Variants in LRRC9 observed in about 807,000 individuals in gnomAD.
LRRC9 encodes the protein leucine rich repeat containing 9.
Under a neutral mutation model 63.2 loss-of-function variants are expected in LRRC9, and 122 were observed. The ratio of observed to expected loss-of-function variants is 1.93; its 90% CI spans 1.67 to 2.24. The LOEUF (loss-of-function observed/expected upper bound fraction) is 2.24, where lower values mean the gene tolerates loss of function less well. LRRC9 is among the 30% of genes most tolerant of loss of function. The probability of loss-of-function intolerance (pLI) is 0.00; values close to 1 mark genes in which losing one functional copy is unlikely to be tolerated. For synonymous variants in LRRC9, 366 were observed against 213.1 expected, an observed-to-expected ratio of 1.72 and a Z score of -6.25; for missense variants, 1,071 against 627.7, an observed-to-expected ratio of 1.71 and a Z score of -7.55.
At chr14:60,009,120 T>C (rs219372) in intron 23 of LRRC9, among the ~76,000 whole-genome samples, 115,459 of 152,160 alleles carry the variant, frequency 0.76, 45,610 homozygotes, top group Non-Finnish European at 0.87. Context: ...TCTCTGTGCC[T>C]TCATTTGAAG....
intron 9 of LRRC9, 51 bp from the exon 10 acceptor site, chr14:59,960,863 T>C (rs1449953079): frequency 3.8e-6 from 2 of 524,738 alleles, no homozygotes; most frequent in Admixed American, 7.1e-5. Context: ...AGTTTTAATG[T>C]TGCGATTTTT....
At chr14:59,931,182 G>T (rs868120114) in intron 4 of LRRC9, 124 bp downstream of exon 4, 10 of 293,436 alleles carry the variant, frequency 3.4e-5, no homozygotes, top group Admixed American at 3.3e-4. Flanking sequence ...AATTATTGTT[G>T]TCAAAAAGAA....
At chr14:59,952,163 G>A (rs1196488398) in intron 8 of LRRC9, among the ~76,000 whole-genome samples, 11 of 151,856 alleles carry the variant, frequency 7.2e-5, no homozygotes, top group African/African-American at 1.2e-4. Context: ...TTCCGTGGGC[G>A]TAGGACCCTC....
Position 59,938,930 on chromosome 14 carries a change from CACATATATACATATACAT to C in LRRC9, c.726+370_726+387del, listed in dbSNP as rs1881370216. Among the ~76,000 whole-genome samples, 1 of 122,478 alleles carries C rather than the reference CACATATATACATATACAT, an allele frequency of 8.2e-6. No homozygotes were observed. Among genetic ancestry groups the C allele is most frequent in the Non-Finnish European group, 1.7e-5 (1 of 59,382 alleles). The allele number at this position is 122,478 out of a possible 152,430, so 80.4% of individuals were successfully genotyped here. A position where few individuals can be genotyped will look rare whatever the true frequency, so the allele number is the denominator to read the frequency against. On this transcript the variant is annotated intron_variant, in intron 7 of 31. Transcript: ENST00000445360. This position sits in a 1 kb window ranked among gnomAD's most constrained non-coding sequence, Gnocchi z 4.2. ...ATATATACACATATGCATATATATACACATATATACATATACATACATATATACACACATATATACATA... is the reference window on the plus strand; with the variant it reads ...ATATATACACATATGCATATATATACACATATATACACACATATATACATA...
rs965312130 is a variant in LRRC9, at chr14:60,017,553, T to A, written c.3317+763T>A. Among the ~76,000 whole-genome samples the A allele has an allele frequency of 6.6e-6, 1 of 152,150 alleles. No individual in the cohort carries two copies. Among genetic ancestry groups the A allele is most frequent in the Non-Finnish European group, 1.5e-5 (1 of 68,016 alleles). On this transcript the variant is annotated intron_variant, in intron 24 of 31. Transcript: ENST00000445360. The surrounding 1 kb of genome is among the most constrained non-coding windows in gnomAD (Gnocchi z 4.0). The stretch of plus-strand genomic sequence containing the variant: ...ACTCTATCACAGCAATTCTCCTCTT[T>A]ATTTTTATTTTTCTGGCTCCCACTT...
rs558804026 is a variant in LRRC9, at chr14:59,919,728, C to T, written c.-189C>T. ...ACCTTGTGACATCACAGGGCCATGC[C>T]CTCGGGGCTCAAGGCCAGAGAGGCT... On this transcript the variant is annotated 5_prime_UTR_variant, in exon 1 of 32. Coordinates refer to ENST00000445360, the Ensembl canonical transcript of LRRC9. This position sits in a 1 kb window ranked among gnomAD's most constrained non-coding sequence, Gnocchi z 4.5. The T allele has an allele frequency of 5.2e-5, 8 of 152,412 alleles. No homozygotes were observed. The East Asian group carries it at 1.5e-3, about 29-fold the overall frequency. 9.4% of individuals were successfully genotyped at this position (152,412 alleles called of 1,614,324 possible).
At chr14:60,041,798 T>C (rs1378212578) in intron 29 of LRRC9, among the ~76,000 whole-genome samples, 1 of 152,236 alleles carries the variant, frequency 6.6e-6, no homozygotes, top group Non-Finnish European at 1.5e-5. Context: ...GGCGAGGAGC[T>C]GCATTCCTTT....
At chr14:59,957,986 T>C (rs1027548169) in intron 8 of LRRC9, among the ~76,000 whole-genome samples, 3 of 152,214 alleles carry the variant, frequency 2.0e-5, no homozygotes, top group Non-Finnish European at 2.9e-5. Context: ...TGCTGCCTGC[T>C]CCTTCCTCTG....
intron 12 of LRRC9, among the ~76,000 whole-genome samples, chr14:59,970,035 T>C (rs1594899129): frequency 6.6e-6 from 1 of 152,296 alleles, no homozygotes; most frequent in South Asian, 2.1e-4. Flanking sequence ...GTCATGGGTG[T>C]ATGTTGTACA....
chr14:59,987,569 G>C (rs939443148), intron 17 of LRRC9, among the ~76,000 whole-genome samples: 4 of 151,308 alleles, frequency 2.6e-5, no homozygotes, highest in African/African-American at 9.7e-5. Context: ...CCTGGGATTT[G>C]CTTACTTAAG....
At chr14:59,998,595 C>G (rs924648342) in intron 18 of LRRC9, among the ~76,000 whole-genome samples, 1 of 152,062 alleles carries the variant, frequency 6.6e-6, no homozygotes, top group Non-Finnish European at 1.5e-5. Flanking sequence ...AAACTAAGCA[C>G]AGTAGGTTCT....
At chr14:60,013,110 T>TC (rs1290394283) in intron 23 of LRRC9, among the ~76,000 whole-genome samples, 1 of 89,248 alleles carries the variant, frequency 1.1e-5, no homozygotes, top group Non-Finnish European at 2.3e-5. Flanking sequence ...CCCTCCCCCC[T>TC]CCCCCAAGGC....
chr14:59,992,504 C>A (rs990487316), intron 17 of LRRC9, among the ~76,000 whole-genome samples: 2 of 151,946 alleles, frequency 1.3e-5, no homozygotes, highest in African/African-American at 2.4e-5. Flanking sequence ...GACGATCAAA[C>A]TACTCAGAGC....
chr14:59,952,567 C>G (rs915210577), intron 8 of LRRC9, among the ~76,000 whole-genome samples: 1 of 152,140 alleles, frequency 6.6e-6, no homozygotes, highest in Non-Finnish European at 1.5e-5. Context: ...TAGAGGAGTA[C>G]AGATAACTAT....
intron 12 of LRRC9, among the ~76,000 whole-genome samples, chr14:59,970,637 G>C (rs940086698): frequency 1.3e-5 from 2 of 152,176 alleles, no homozygotes; most frequent in Non-Finnish European, 2.9e-5. Flanking sequence ...ACTGGTATAA[G>C]ATGGTGTCTC....
chr14:60,040,561 T>C (rs1182812641), intron 29 of LRRC9, among the ~76,000 whole-genome samples: 3 of 151,904 alleles, frequency 2.0e-5, no homozygotes, highest in Non-Finnish European at 2.9e-5. Flanking sequence ...AAGTCTTGTT[T>C]TATCAGACTA....
chr14:59,976,808 G>A (rs1156529856), intron 13 of LRRC9, among the ~76,000 whole-genome samples: 1 of 152,132 alleles, frequency 6.6e-6, no homozygotes. Context: ...GAATCTAAAG[G>A]AAAATGAAAT....
chr14:60,023,491 A>C (rs940281141), intron 27 of LRRC9, among the ~76,000 whole-genome samples: 1 of 151,928 alleles, frequency 6.6e-6, no homozygotes, highest in African/African-American at 2.4e-5. Context: ...CTATGGGCCA[A>C]GACTTGAAAA....
intron 28 of LRRC9, 106 bp downstream of exon 28, chr14:60,028,207 T>G (rs1891708186): frequency 4.9e-6 from 3 of 611,994 alleles, no homozygotes. Context: ...AGTATATTAT[T>G]TATCACCTAT....
Sources: allele counts gnomAD v4.1 joint callset (sites outside exome capture counted in the v4.1 genomes callset), GRCh38; gene constraint gnomAD v4.1.1; non-coding constraint Gnocchi (gnomAD v3.1); transcripts MANE v1.5; gene names NCBI Gene and HGNC (gene_info 2026-07-23, HGNC 2026-07-21).